FHIT: variants seen among roughly 807,000 people sequenced by gnomAD.
The protein encoded by FHIT is bis(5'-adenosyl)-triphosphatase.
FHIT carries 19 observed loss-of-function variants against 17.9 expected under a neutral mutation model. The observed-to-expected ratio is 1.06, with a 90% CI of 0.74 to 1.56. The LOEUF is 1.56. FHIT is among the 40% of genes most tolerant of loss of function. The pLI is 0.00. For missense variants in FHIT, 248 were observed against 189.2 expected, an observed-to-expected ratio of 1.31 and a Z score of -1.82; for synonymous variants, 81 against 69.7, an observed-to-expected ratio of 1.16 and a Z score of -0.81.
intron 2 of FHIT, among the ~76,000 whole-genome samples, chr3:61,149,421 T>C (rs1199034604): frequency 6.6e-6 from 1 of 151,638 alleles, no homozygotes. Context: ...AATTAATAAG[T>C]TTAATAAATA....
At chr3:60,713,326 G>A (rs1311861113) in intron 4 of FHIT, among the ~76,000 whole-genome samples, 70 of 147,124 alleles carry the variant, frequency 4.8e-4, no homozygotes, top group African/African-American at 1.2e-3. Context: ...GAGAAAGCAG[G>A]AAAGATCCAA....
chr3:60,192,685 T>C (rs190609098), intron 5 of FHIT, among the ~76,000 whole-genome samples: 122 of 152,264 alleles, frequency 8.0e-4, no homozygotes, highest in Admixed American at 7.9e-3. Flanking sequence ...CTGCCCAGGA[T>C]CTGAACTTCT....
chr3:60,994,470 T>C (rs918462818), intron 3 of FHIT, among the ~76,000 whole-genome samples: 2 of 152,132 alleles, frequency 1.3e-5, no homozygotes, highest in Non-Finnish European at 2.9e-5. Context: ...GAGACAGAAA[T>C]GAGACTGAAA....
intron 8 of FHIT, among the ~76,000 whole-genome samples, chr3:59,813,870 T>C (rs1700495277): frequency 6.6e-6 from 1 of 152,142 alleles, no homozygotes; most frequent in Admixed American, 6.5e-5. Context: ...AGGGGGTAAC[T>C]GAGGTACAAG....
chr3:59,896,891 G>A (rs147346109), intron 8 of FHIT, among the ~76,000 whole-genome samples: 37 of 152,200 alleles, frequency 2.4e-4, no homozygotes, highest in Admixed American at 5.2e-4. Context: ...TTTGGACCAC[G>A]TGATATATCT....
chr3:61,114,497 C>T (rs1432064704), intron 2 of FHIT, among the ~76,000 whole-genome samples: 2 of 152,098 alleles, frequency 1.3e-5, no homozygotes, highest in Non-Finnish European at 1.5e-5. Flanking sequence ...TTTCTTCATG[C>T]ATAAAATAGG....
At chr3:60,332,808 T>C (rs1710051717) in intron 5 of FHIT, among the ~76,000 whole-genome samples, 1 of 152,172 alleles carries the variant, frequency 6.6e-6, no homozygotes. Context: ...GAAACAAAGA[T>C]GACAGAAATC....
intron 4 of FHIT, among the ~76,000 whole-genome samples, chr3:60,722,322 C>G (rs2107966214): frequency 6.6e-6 from 1 of 152,312 alleles, no homozygotes; most frequent in African/African-American, 2.4e-5. Flanking sequence ...GAGAATTTCT[C>G]ATTTTCAGGT....
At chr3:60,522,526 T>G (rs2035411190) in intron 5 of FHIT, among the ~76,000 whole-genome samples, 2 of 151,946 alleles carry the variant, frequency 1.3e-5, no homozygotes, top group Admixed American at 6.6e-5. Context: ...TAGACTGGAG[T>G]TGCGGGAGTG....
chr3:59,974,312 C>T lies in FHIT; in HGVS notation c.279+37059G>A, dbSNP rs560302474. Among the ~76,000 whole-genome samples the T allele has an allele frequency of 3.3e-4, 51 of 152,240 alleles. 1 individual carries two copies. The South Asian group carries it at 0.01, about 30-fold the overall frequency. ...TTTGCCTCACTTCGTACAGTAAGTC[C>T]AGGAGTCTTATTTTCCAAAGTAAAA... On this transcript the variant is annotated intron_variant, in intron 7 of 9. Coordinates refer to ENST00000492590, the MANE Select transcript of FHIT (RefSeq NM_002012.4).
At chr3:60,288,268 A>G (rs28590559) in intron 5 of FHIT, among the ~76,000 whole-genome samples, 1,771 of 152,304 alleles carry the variant, frequency 0.012, 31 homozygotes, top group African/African-American at 0.04. Context: ...GAAGACGCAC[A>G]CTGTTGCTTT....
At chr3:59,846,453 C>T (rs1042210907) in intron 8 of FHIT, among the ~76,000 whole-genome samples, 1 of 152,052 alleles carries the variant, frequency 6.6e-6, no homozygotes, top group African/African-American at 2.4e-5. Context: ...TTCCTCAAAA[C>T]ATCAACTAAT....
chr3:61,071,562 T>C (rs1376628713), intron 2 of FHIT, among the ~76,000 whole-genome samples: 1 of 152,170 alleles, frequency 6.6e-6, no homozygotes, highest in Non-Finnish European at 1.5e-5. Flanking sequence ...ATGCAGTCAT[T>C]AAAAATAATG....
intron 4 of FHIT, among the ~76,000 whole-genome samples, chr3:60,751,852 A>G (rs1490485112): frequency 6.6e-6 from 1 of 152,204 alleles, no homozygotes; most frequent in African/African-American, 2.4e-5. Context: ...AATATAAAAA[A>G]ACCAGAAACA....
intron 2 of FHIT, among the ~76,000 whole-genome samples, chr3:61,056,267 G>GA (rs896758373): frequency 5.9e-5 from 9 of 152,036 alleles, no homozygotes; most frequent in Admixed American, 2.0e-4. Flanking sequence ...CACAAAAAGG[G>GA]AAAAAAATGA....
intron 8 of FHIT, among the ~76,000 whole-genome samples, chr3:59,783,797 C>A (rs1163028662): frequency 6.6e-6 from 1 of 152,140 alleles, no homozygotes; most frequent in African/African-American, 2.4e-5. Flanking sequence ...CCACACCCCA[C>A]CAGTGAAAAA....
chr3:60,200,190 C>G (rs147133974), intron 5 of FHIT, among the ~76,000 whole-genome samples: 4,227 of 152,210 alleles, frequency 0.028, 82 homozygotes, highest in Middle Eastern at 0.085. Context: ...GCTATAAAGG[C>G]AGAGACACTG....
At chr3:60,525,419 T>C (rs2035535749) in intron 5 of FHIT, among the ~76,000 whole-genome samples, 1 of 152,206 alleles carries the variant, frequency 6.6e-6, no homozygotes, top group Admixed American at 6.5e-5. Context: ...ACACCCTACC[T>C]AATGTGGTAT....
chr3:60,131,009 G>GTATATATACACATATATACATATGTC (rs1699556073), intron 5 of FHIT, among the ~76,000 whole-genome samples: 1 of 68,808 alleles, frequency 1.5e-5, no homozygotes, highest in Non-Finnish European at 2.7e-5. Flanking sequence ...ATACATATGT[G>GTATATATACACATATATACATATGTC]TATATATACA....
Sources: gnomAD v4.1 joint callset for allele counts (sites outside exome capture counted in the v4.1 genomes callset) on GRCh38, gnomAD v4.1.1 for gene constraint, MANE v1.5 for transcripts, NCBI Gene and HGNC (gene_info 2026-07-23, HGNC 2026-07-21) for gene names.